The following AGBL1 variants were observed in gnomAD, a reference collection of about 807,000 sequenced individuals.
The protein encoded by AGBL1 is AGBL carboxypeptidase 1, also known as cytosolic carboxypeptidase 4.
A neutral mutation model predicts 118.9 loss-of-function variants in AGBL1; 130 were observed. The observed-to-expected ratio is 1.09, with a 90% CI of 0.95 to 1.26. The LOEUF (loss-of-function observed/expected upper bound fraction) is 1.26. Among genes scored for constraint, AGBL1 ranks in the 50% most tolerant of loss-of-function variants. The pLI is 0.00. For missense variants in AGBL1, 1,584 were observed against 1,298.1 expected (o/e 1.22, Z -3.38); for synonymous variants, 555 against 478.9 (o/e 1.16, Z -2.08).
chr15:86,889,108 G>A (rs961660696), intron 22 of AGBL1, among the ~76,000 whole-genome samples: 2 of 151,814 alleles, frequency 1.3e-5, no homozygotes, highest in Admixed American at 1.3e-4. Context: ...TTTGTTTTCC[G>A]TTCACTGAAA....
At chr15:86,789,851 T>A (rs1267553214) in intron 22 of AGBL1, among the ~76,000 whole-genome samples, 9 of 152,140 alleles carry the variant, frequency 5.9e-5, no homozygotes, top group Non-Finnish European at 8.8e-5. Flanking sequence ...ATCAAATTTA[T>A]CTGTATGACT....
At chr15:86,987,939 T>C (rs950421628) in intron 23 of AGBL1, 2 of 1,584,752 alleles carry the variant, frequency 1.3e-6, no homozygotes, top group Admixed American at 1.8e-5. Flanking sequence ...TGTGACACTA[T>C]GGTTTATTTT....
At position 86,862,619 on chromosome 15, in the gene AGBL1, GC is replaced by G. The variant is rs779661122; in HGVS notation, c.3159-44467del. On this transcript the variant is annotated intron_variant, in intron 22 of 22. Transcript: ENST00000614907. ...GCCTGTAGTCCCAGCTACTCGGAGG[GC>G]TGACGCAGGAGACTCACTTGACCTG... Among the ~76,000 whole-genome samples the G allele has an allele frequency of 5.9e-4, 90 of 152,258 alleles. No individual in the cohort carries two copies. The Middle Eastern group carries it at 0.01, about 17-fold the overall frequency.
At chr15:86,221,829 A>G (rs2141920487) in intron 5 of AGBL1, among the ~76,000 whole-genome samples, 1 of 152,178 alleles carries the variant, frequency 6.6e-6, no homozygotes, top group East Asian at 1.9e-4. Context: ...TTGAAGTGAA[A>G]ATTTCTTAGA....
intron 17 of AGBL1, among the ~76,000 whole-genome samples, chr15:86,377,424 C>A (rs549619886): frequency 6.6e-6 from 1 of 152,092 alleles, no homozygotes; most frequent in Non-Finnish European, 1.5e-5. Context: ...GTAGTTCTCA[C>A]GGCCTGAAGA....
intron 17 of AGBL1, among the ~76,000 whole-genome samples, chr15:86,338,997 G>T (rs189122730): frequency 4.0e-4 from 61 of 152,236 alleles, no homozygotes; most frequent in Middle Eastern, 3.4e-3. Flanking sequence ...TATCATAAGT[G>T]GGTGTTGAAT....
chr15:86,839,703 T>A (rs1015359127), intron 22 of AGBL1, among the ~76,000 whole-genome samples: 1 of 152,102 alleles, frequency 6.6e-6, no homozygotes, highest in Non-Finnish European at 1.5e-5. Context: ...GTCTCCTGAG[T>A]ACCAAAATTG....
chr15:86,320,317 A>G (rs909574150), intron 17 of AGBL1, among the ~76,000 whole-genome samples: 4 of 151,900 alleles, frequency 2.6e-5, no homozygotes, highest in African/African-American at 9.7e-5. Flanking sequence ...TTTTTTGTAT[A>G]AAGAGCTTGC....
intron 21 of AGBL1, among the ~76,000 whole-genome samples, chr15:86,667,937 G>A (rs1322104651): frequency 6.6e-6 from 1 of 152,184 alleles, no homozygotes; most frequent in Non-Finnish European, 1.5e-5. Context: ...GTAAAAGCAT[G>A]GCCACAGCAT....
chr15:86,506,721 G>A (rs1222918581), intron 18 of AGBL1, among the ~76,000 whole-genome samples: 2 of 151,964 alleles, frequency 1.3e-5, no homozygotes, highest in Admixed American at 1.3e-4. Context: ...TGATAATTGT[G>A]GTTACCCAAT....
chr15:86,209,202 C>A (rs1471994991), intron 5 of AGBL1, among the ~76,000 whole-genome samples: 1 of 152,116 alleles, frequency 6.6e-6, no homozygotes, highest in Non-Finnish European at 1.5e-5. Context: ...GATTTCTGTT[C>A]TTTTACATTG....
intron 21 of AGBL1, among the ~76,000 whole-genome samples, chr15:86,577,991 C>G (rs2084117602): frequency 6.6e-6 from 1 of 152,192 alleles, no homozygotes; most frequent in African/African-American, 2.4e-5. Flanking sequence ...CACACAGAGT[C>G]CCTACTGGGG....
At chr15:86,899,898 G>A (rs1247800910) in intron 22 of AGBL1, among the ~76,000 whole-genome samples, 2 of 152,138 alleles carry the variant, frequency 1.3e-5, no homozygotes, top group Admixed American at 6.5e-5. Context: ...CAGTGGACTG[G>A]GAGAGGCAGA....
rs549044325 is a variant in AGBL1, at chr15:86,305,590, C to G, written c.2374+10182C>G. 4.4e-4 allele frequency among the ~76,000 whole-genome samples: 67 copies of G among 152,270 alleles called. 1 individual carries two copies. The highest frequency in any genetic ancestry group is 8.4e-4 in the Non-Finnish European group (57 of 68,016). On this transcript the variant is annotated intron_variant, in intron 17 of 22. Transcript: ENST00000614907. ...AAACTAAAAAGTGTCAACATGTCAT[C>G]CTTGTCTAACAAATGCATAAATTAG...
intron 23 of AGBL1, among the ~76,000 whole-genome samples, chr15:86,958,224 A>G (rs1346308492): frequency 1.3e-5 from 2 of 149,732 alleles, no homozygotes; most frequent in African/African-American, 2.4e-5. Flanking sequence ...AAAAAAAAAA[A>G]GAAAAGAAAA....
chr15:86,317,132 T>A (rs1383847888), intron 17 of AGBL1: 3 of 152,290 alleles, frequency 2.0e-5, no homozygotes, highest in Non-Finnish European at 4.4e-5. Flanking sequence ...CTCTCCATCC[T>A]TTCTTCCAAA....
intron 17 of AGBL1, among the ~76,000 whole-genome samples, chr15:86,320,631 TAGTG>T (rs1206258144): frequency 2.0e-5 from 3 of 152,082 alleles, no homozygotes; most frequent in Non-Finnish European, 2.9e-5. Flanking sequence ...TATGCGGTGA[TAGTG>T]AGTATTTTTG....
rs74968241 is a variant in AGBL1, at chr15:86,644,397, T to A, written c.2995-29876T>A. On this transcript the variant is annotated intron_variant, in intron 21 of 22. Coordinates refer to ENST00000614907, the MANE Select transcript of AGBL1 (RefSeq NM_001386094.1). The stretch of plus-strand genomic sequence containing the variant: ...ATAAGAAAAAAATTGATTTCATGTG[T>A]AATATGTGAGCACACACTCACAAAA... 5.8e-3 allele frequency among the ~76,000 whole-genome samples: 878 copies of A among 152,184 alleles called. 3 individuals are homozygous for A. The highest frequency in any genetic ancestry group is 9.9e-3 in the Non-Finnish European group (676 of 67,996).
intron 22 of AGBL1, among the ~76,000 whole-genome samples, chr15:86,858,687 C>T (rs565392622): frequency 3.9e-5 from 6 of 152,252 alleles, no homozygotes; most frequent in Non-Finnish European, 7.4e-5. Context: ...GTAACAGGGA[C>T]AGGCTCAAGA....
Sources: gnomAD v4.1 joint callset for allele counts (sites outside exome capture counted in the v4.1 genomes callset) on GRCh38, gnomAD v4.1.1 for gene constraint, MANE v1.5 for transcripts, NCBI Gene and HGNC (gene_info 2026-07-23, HGNC 2026-07-21) for gene names.